The following RICTOR variants were observed in gnomAD, a reference collection of about 807,000 sequenced individuals.
RICTOR encodes rapamycin-insensitive companion of mTOR.
A neutral mutation model predicts 214.9 loss-of-function variants in RICTOR; 49 were observed. That is an observed-to-expected ratio of 0.23 (90% confidence interval 0.18 to 0.29). The LOEUF is 0.29. Ranked by LOEUF, RICTOR falls within the 10% of genes least tolerant of loss-of-function variation. RICTOR has a pLI of 1.00. For missense variants in RICTOR, 1,625 were observed against 2,047.0 expected (o/e 0.79, Z 3.98); for synonymous variants, 717 against 711.3 (o/e 1.01, Z -0.13).
chr5:38,997,595 C>T (rs2150094788), intron 5 of RICTOR, among the ~76,000 whole-genome samples: 1 of 152,124 alleles, frequency 6.6e-6, no homozygotes, highest in South Asian at 2.1e-4. Context: ...AATTCCATTC[C>T]TGGCCATGTC....
intron 2 of RICTOR, among the ~76,000 whole-genome samples, chr5:39,041,758 C>T (rs1176881850): frequency 2.6e-5 from 4 of 151,808 alleles, no homozygotes; most frequent in Admixed American, 2.6e-4. Context: ...TAACAACTAA[C>T]CTTACAATGT....
Position 38,944,213 on chromosome 5 carries a change from G to A in RICTOR, c.4913+233C>T, listed in dbSNP as rs1416202970. ...ACATTTTTTGCAGATCTCTTCAAAA[G>A]TCTGGCTTAATAGAAGATAGCTGGA... On this transcript the variant is annotated intron_variant, in intron 36 of 37. Transcript: ENST00000357387. 6.7e-6 allele frequency: 4 copies of A among 598,840 alleles called. No individual in the cohort carries two copies. The Admixed American group carries it at 8.5e-5, about 13-fold the overall frequency. 37.1% of individuals were successfully genotyped at this position (598,840 alleles called of 1,614,324 possible).
At position 38,945,001 on chromosome 5, in the gene RICTOR, G is replaced by A. The variant is rs779583890; in HGVS notation, c.4701C>T (p.Pro1567=). The change falls in exon 35 of 38, where the codon CCC becomes CCT. Residue 1567 remains proline, a synonymous_variant. Coordinates refer to ENST00000357387, the MANE Select transcript of RICTOR (RefSeq NM_152756.5). ...ATCCAGAAATCCCCGAAAACTTAGA[G>A]GGAACCACTTCTAAAGGATTATGGA... ...QTIHNPLEVV[P]SKFSGISGCS... is the part of the protein sequence containing the mutation. 1.6e-5 allele frequency: 25 copies of A among 1,612,612 alleles called. No homozygotes were observed. Among genetic ancestry groups the A allele is most frequent in the Non-Finnish European group, 2.0e-5 (24 of 1,178,696 alleles).
chr5:39,064,698 G>C (rs1002038776), intron 2 of RICTOR, among the ~76,000 whole-genome samples: 1 of 152,134 alleles, frequency 6.6e-6, no homozygotes, highest in Non-Finnish European at 1.5e-5. Context: ...AGGAAATTGA[G>C]AGTTGACTGT....
At chr5:38,977,683 C>T (rs1329537961) in intron 9 of RICTOR, among the ~76,000 whole-genome samples, 1 of 149,956 alleles carries the variant, frequency 6.7e-6, no homozygotes, top group Non-Finnish European at 1.5e-5. Context: ...GCAAACTCCG[C>T]CTCCCAGGTT....
intron 3 of RICTOR, among the ~76,000 whole-genome samples, chr5:39,004,463 T>TG (rs1753870000): frequency 4.7e-5 from 5 of 106,054 alleles, no homozygotes; most frequent in African/African-American, 1.6e-4. Context: ...TTTCTCAAAC[T>TG]CTTTTTTTTT....
chr5:38,962,825 A>C, intron 17 of RICTOR, 51 bp downstream of exon 17: 1 of 1,464,510 alleles, frequency 6.8e-7, no homozygotes, highest in Non-Finnish European at 9.6e-7. Context: ...CCAGTGGTTA[A>C]GGAATTAAGA....
In RICTOR at chr5:38,962,375, A is replaced by G. The variant is rs780002533; in HGVS notation, c.1669-14T>C. The stretch of plus-strand genomic sequence containing the variant: ...TACATTTGGCCACTAGAAAAACATA[A>G]TATGTTATATTACATATGTACTTAT... On this transcript the variant is annotated splice_polypyrimidine_tract_variant and intron_variant, in intron 18 of 37. Transcript: ENST00000357387. The G allele has an allele frequency of 7.8e-7, 1 of 1,290,120 alleles. No individual in the cohort carries two copies. The highest frequency in any genetic ancestry group is 1.3e-5 in the South Asian group (1 of 78,536). 79.9% of individuals were successfully genotyped at this position (1,290,120 alleles called of 1,614,324 possible).
rs188222108 is a variant in RICTOR at position 38,943,688 on chromosome 5, C to G, written c.4914-717G>C. ...ATTAGCTAGGTGTGGTGGTACACAC[C>G]TGTAATCCCAGCTACTTGGGAGGCT... On this transcript the variant is annotated intron_variant, in intron 36 of 37. Transcript: ENST00000357387. Among the ~76,000 whole-genome samples, 187 of 152,232 alleles carry G rather than the reference C, an allele frequency of 1.2e-3. 2 individuals are homozygous for G. The highest frequency in any genetic ancestry group is 2.1e-3 in the Non-Finnish European group (143 of 68,006).
chr5:39,073,286 G>A (rs1478857296), intron 2 of RICTOR, among the ~76,000 whole-genome samples: 2 of 152,146 alleles, frequency 1.3e-5, no homozygotes, highest in African/African-American at 4.8e-5. Flanking sequence ...AAAGAATCTT[G>A]TACGTAACTA....
Position 38,938,597 on chromosome 5 carries a change from G to GAA in RICTOR, c.*3705_*3706dup, listed in dbSNP as rs939475018. 1 of 232,498 alleles carries GAA rather than the reference G, an allele frequency of 4.3e-6. No homozygotes were observed. The highest frequency in any genetic ancestry group is 2.2e-5 in the African/African-American group (1 of 45,248). 14.4% of individuals were successfully genotyped at this position (232,498 alleles called of 1,614,324 possible). The stretch of plus-strand genomic sequence containing the variant: ...TACATTACAAAAATACTCCAAACAG[G>GAA]AAAAAAGTCCACATTCTGTGAGTCA... On this transcript the variant is annotated 3_prime_UTR_variant, in exon 38 of 38. Transcript: ENST00000357387.
chr5:38,999,027 CAAAAAAAA>C (rs1186312478), intron 5 of RICTOR, among the ~76,000 whole-genome samples: 638 of 25,364 alleles, frequency 0.025, 7 homozygotes, highest in Non-Finnish European at 0.038. Context: ...AACAAACAGG[CAAAAAAAA>C]AAAAAAAAAA....
intron 2 of RICTOR, among the ~76,000 whole-genome samples, chr5:39,042,088 A>C (rs1469130200): frequency 6.6e-6 from 1 of 152,162 alleles, no homozygotes; most frequent in Non-Finnish European, 1.5e-5. Context: ...GTGTGCCTAG[A>C]AAGTTGCCCA....
At chr5:39,060,098 T>C (rs1172638806) in intron 2 of RICTOR, among the ~76,000 whole-genome samples, 1 of 152,098 alleles carries the variant, frequency 6.6e-6, no homozygotes, top group Non-Finnish European at 1.5e-5. Flanking sequence ...TTGTAACTTA[T>C]TAGCTATCTT....
chr5:39,007,793 A>C (rs1754193681), intron 3 of RICTOR, among the ~76,000 whole-genome samples: 1 of 150,858 alleles, frequency 6.6e-6, no homozygotes, highest in African/African-American at 2.4e-5. Context: ...TATTATTGTA[A>C]ATATTTCAGA....
intron 6 of RICTOR, among the ~76,000 whole-genome samples, chr5:38,992,619 T>C (rs1752870399): frequency 6.6e-6 from 1 of 152,204 alleles, no homozygotes; most frequent in African/African-American, 2.4e-5. Context: ...ATCTTGTGTC[T>C]ACTAAACATA....
chr5:39,036,333 G>A (rs1045927290), intron 2 of RICTOR, among the ~76,000 whole-genome samples: 3 of 152,148 alleles, frequency 2.0e-5, no homozygotes, highest in South Asian at 2.1e-4. Context: ...ACATGAAAAG[G>A]AACAACGGGT....
At position 38,962,303 on chromosome 5, in the gene RICTOR, G is replaced by A; in HGVS notation, c.1715+12C>T. On this transcript the variant is annotated intron_variant, in intron 19 of 37. Coordinates refer to ENST00000357387, the MANE Select transcript of RICTOR (RefSeq NM_152756.5). ...GTTCTTTAAATTTAAATGCAAAATAGTTCTTACATACCTGTGTAACTGTTC... is the reference window on the plus strand; with the variant it reads ...GTTCTTTAAATTTAAATGCAAAATAATTCTTACATACCTGTGTAACTGTTC... The A allele has an allele frequency of 1.5e-6, 2 of 1,325,340 alleles. No homozygotes were observed. Among genetic ancestry groups the A allele is most frequent in the South Asian group, 1.3e-5 (1 of 75,830 alleles). 82.1% of individuals were successfully genotyped at this position (1,325,340 alleles called of 1,614,324 possible). A position where few individuals can be genotyped will look rare whatever the true frequency, so the allele number is the denominator to read the frequency against.
At chr5:38,965,229 CTAAGT>C (rs961560893) in intron 15 of RICTOR, among the ~76,000 whole-genome samples, 19 of 151,872 alleles carry the variant, frequency 1.3e-4, no homozygotes, top group African/African-American at 3.4e-4. Context: ...AGGAATCAAC[CTAAGT>C]TATGTTTAAA....
Sources: allele counts gnomAD v4.1 joint callset (sites outside exome capture counted in the v4.1 genomes callset), GRCh38; gene constraint gnomAD v4.1.1; transcripts MANE v1.5; gene names NCBI Gene and HGNC (gene_info 2026-07-23, HGNC 2026-07-21).